Variants in TCP1 observed in about 807,000 individuals in gnomAD.
TCP1 encodes the protein T-complex protein 1 subunit alpha.
A neutral mutation model predicts 54.7 loss-of-function variants in TCP1; 6 were observed. The ratio of observed to expected loss-of-function variants is 0.11; its 90% CI spans 0.06 to 0.22. The LOEUF (loss-of-function observed/expected upper bound fraction) is 0.22, where lower values mean the gene tolerates loss of function less well. Ranked by LOEUF, TCP1 falls within the 10% of genes least tolerant of loss-of-function variation. The probability of loss-of-function intolerance (pLI) is 1.00; values close to 1 mark genes in which losing one functional copy is unlikely to be tolerated. For synonymous variants in TCP1, 225 were observed against 229.7 expected (o/e 0.98, Z 0.19); for missense variants, 511 against 678.2 (o/e 0.75, Z 2.74).
At chr6:159,782,761 CAT>C (rs924028439) in intron 7 of TCP1, among the ~76,000 whole-genome samples, 1 of 151,620 alleles carries the variant, frequency 6.6e-6, no homozygotes, top group Non-Finnish European at 1.5e-5. Flanking sequence ...GAGTCTCTGG[CAT>C]AGAGAGATAA....
At chr6:159,785,750 G>A (rs770830186) in intron 4 of TCP1, 150 bp downstream of exon 4, 12 of 818,288 alleles carry the variant, frequency 1.5e-5, no homozygotes, top group Non-Finnish European at 2.3e-5. Context: ...ACTGGTCCAA[G>A]TTTTTAACTT....
At position 159,778,744 on chromosome 6, in the gene TCP1, T is replaced by G; in HGVS notation, c.*301A>C. ...ATTCTTGTGACCCTGTTACACACAC[T>G]GGAGAGAATGGGCAGAAGTCGTGGT... On this transcript the variant is annotated 3_prime_UTR_variant, in exon 12 of 12. Coordinates refer to ENST00000321394, the MANE Select transcript of TCP1 (RefSeq NM_030752.3). The G allele has an allele frequency of 6.2e-7, 1 of 1,614,208 alleles. No individual in the cohort carries two copies. The highest frequency in any genetic ancestry group is 8.5e-7 in the Non-Finnish European group (1 of 1,180,024).
chr6:159,778,762 G>A lies in TCP1; in HGVS notation c.*283C>T, dbSNP rs3173126. Reference sequence around the variant, plus strand: ...CACACACTGGAGAGAATGGGCAGAAGTCGTGGTGTTGCAGCCCTGTGCATT... The same window carrying A: ...CACACACTGGAGAGAATGGGCAGAAATCGTGGTGTTGCAGCCCTGTGCATT... On this transcript the variant is annotated 3_prime_UTR_variant, in exon 12 of 12. Transcript: ENST00000321394. 2 of 1,614,130 alleles carry A rather than the reference G, an allele frequency of 1.2e-6. No individual in the cohort carries two copies. Among genetic ancestry groups the A allele is most frequent in the Admixed American group, 1.7e-5 (1 of 60,010 alleles).
intron 7 of TCP1, 97 bp downstream of exon 7, chr6:159,783,844 A>T (rs1204315515): frequency 6.9e-7 from 1 of 1,457,048 alleles, no homozygotes; most frequent in Non-Finnish European, 9.1e-7. Context: ...CCACCAGGCT[A>T]ATTTTTCTGG....
intron 3 of TCP1, among the ~76,000 whole-genome samples, chr6:159,786,482 GA>G (rs1780700054): frequency 6.6e-6 from 1 of 152,100 alleles, no homozygotes; most frequent in South Asian, 2.1e-4. Context: ...ATTACCTTTA[GA>G]AAAAATGCTC....
Position 159,778,550 on chromosome 6 carries a change from G to C in TCP1, c.*495C>G. ...TCCTAAGCAGTTAAAATGAAAATTT[G>C]AGTTTGAAAGGGTAGCATGCTGATA... On this transcript the variant is annotated 3_prime_UTR_variant, in exon 12 of 12. Coordinates refer to ENST00000321394, the MANE Select transcript of TCP1 (RefSeq NM_030752.3). The C allele has an allele frequency of 9.7e-6, 12 of 1,236,340 alleles. No individual in the cohort carries two copies. Among genetic ancestry groups the C allele is most frequent in the Non-Finnish European group, 1.2e-5 (11 of 891,720 alleles). The allele number at this position is 1,236,340 out of a possible 1,614,324, so 76.6% of individuals were successfully genotyped here.
In TCP1 at chr6:159,781,285, C is replaced by T. The variant is rs374484065; in HGVS notation, c.798-175G>A. On this transcript the variant is annotated intron_variant, in intron 7 of 11. Coordinates refer to ENST00000321394, the MANE Select transcript of TCP1 (RefSeq NM_030752.3). ...AAAATTTGAAGGAATTAAAAATTAC[C>T]ACTTAGCTCTCCCCAACCCAAATTT... Among the ~76,000 whole-genome samples, 3 of 152,070 alleles carry T rather than the reference C, an allele frequency of 2.0e-5. No homozygotes were observed. The South Asian group carries it at 6.2e-4, about 31-fold the overall frequency.
At chr6:159,787,022 C>T (rs1780713999) in intron 3 of TCP1, among the ~76,000 whole-genome samples, 1 of 148,846 alleles carries the variant, frequency 6.7e-6, no homozygotes, top group African/African-American at 2.5e-5. Context: ...AAGGGAGGAT[C>T]ACTTGAGGCC....
chr6:159,786,080 A>C (rs1161027985), intron 3 of TCP1, 83 bp from the exon 4 acceptor site: 13 of 1,108,236 alleles, frequency 1.2e-5, no homozygotes, highest in Non-Finnish European at 1.6e-5. Context: ...AAATGGCCAT[A>C]TATTATTAAC....
intron 1 of TCP1, chr6:159,788,546 T>C (rs549230026): frequency 6.5e-4 from 105 of 162,274 alleles, no homozygotes; most frequent in Admixed American, 1.7e-3. Context: ...GCGAGCCTAT[T>C]TGGCACAGCT....
chr6:159,780,714 G>A, intron 8 of TCP1, 148 bp from the exon 9 acceptor site: 2 of 1,260,416 alleles, frequency 1.6e-6, no homozygotes, highest in Non-Finnish European at 2.2e-6. Context: ...ATCCTAAGAT[G>A]GAACTGTCAT....
rs146250564 is a variant in TCP1, at chr6:159,782,024, A to G, written c.798-914T>C. On this transcript the variant is annotated intron_variant, in intron 7 of 11. Transcript: ENST00000321394. ...TAAGCTGAAAGACAACCTAAACAGA[A>G]AAGTCAAATTTTATGGCTTGGGTGA... 6.3e-3 allele frequency among the ~76,000 whole-genome samples: 958 copies of G among 152,314 alleles called. 10 individuals are homozygous for G. The highest frequency in any genetic ancestry group is 0.022 in the African/African-American group (922 of 41,572).
At chr6:159,784,380 C>T (rs990991055) in intron 6 of TCP1, among the ~76,000 whole-genome samples, 4 of 151,636 alleles carry the variant, frequency 2.6e-5, no homozygotes, top group African/African-American at 9.7e-5. Context: ...TCTTGGCTCA[C>T]TGCAATCTCC....
At chr6:159,787,690 C>T in intron 3 of TCP1, 53 bp downstream of exon 3, 1 of 1,585,112 alleles carries the variant, frequency 6.3e-7, no homozygotes, top group South Asian at 1.1e-5. Flanking sequence ...CTTCAACTTT[C>T]TGAAAGTCGG....
chr6:159,782,417 TGAA>T (rs1780598231), intron 7 of TCP1, among the ~76,000 whole-genome samples: 2 of 152,140 alleles, frequency 1.3e-5, no homozygotes, highest in Non-Finnish European at 1.5e-5. Context: ...TAATTTAGAT[TGAA>T]GAAGAAAGAA....
At chr6:159,787,372 A>C (rs888413868) in intron 3 of TCP1, among the ~76,000 whole-genome samples, 2 of 152,358 alleles carry the variant, frequency 1.3e-5, no homozygotes, top group Admixed American at 6.5e-5. Flanking sequence ...AAGACTTTTG[A>C]GAGACCATAA....
intron 8 of TCP1, 124 bp from the exon 9 acceptor site, chr6:159,780,690 C>T (rs921287371): frequency 3.1e-5 from 41 of 1,316,626 alleles, no homozygotes; most frequent in Middle Eastern, 1.9e-4. Flanking sequence ...AGGCAGCACA[C>T]GGTAACTCCT....
rs768935613 is a variant in TCP1 at position 159,784,857 on chromosome 6, A to G, written c.489-10T>C. On this transcript the variant is annotated splice_polypyrimidine_tract_variant and intron_variant, in intron 5 of 11. Coordinates refer to ENST00000321394, the MANE Select transcript of TCP1 (RefSeq NM_030752.3). ...AAAGAAATCACCATTTCTACGCCAAAAGTTAAGGACAGTAACAGGTTTGGA... is the reference window on the plus strand; with the variant it reads ...AAAGAAATCACCATTTCTACGCCAAGAGTTAAGGACAGTAACAGGTTTGGA... The G allele has an allele frequency of 9.0e-5, 145 of 1,614,084 alleles. No individual in the cohort carries two copies. In the Admixed American group the frequency reaches 2.4e-3, roughly 27 times the overall value.
intron 1 of TCP1, 126 bp from the exon 2 acceptor site, chr6:159,788,269 G>A: frequency 1.1e-6 from 1 of 889,596 alleles, no homozygotes; most frequent in Non-Finnish European, 1.7e-6. Flanking sequence ...ACAAATCTGT[G>A]TTAATTATTT....
Sources: allele counts gnomAD v4.1 joint callset (sites outside exome capture counted in the v4.1 genomes callset), GRCh38; gene constraint gnomAD v4.1.1; transcripts MANE v1.5; gene names NCBI Gene and HGNC (gene_info 2026-07-23, HGNC 2026-07-21).